NR3C2: variants seen among roughly 807,000 people sequenced by gnomAD.
NR3C2 encodes mineralocorticoid receptor.
A neutral mutation model predicts 86.4 loss-of-function variants in NR3C2; 15 were observed. The ratio of observed to expected loss-of-function variants is 0.17; its 90% CI spans 0.12 to 0.27. The LOEUF (loss-of-function observed/expected upper bound fraction) is 0.27, where lower values mean the gene tolerates loss of function less well. NR3C2 is among the 10% of genes least tolerant of loss of function. The pLI, the probability that NR3C2 is intolerant of heterozygous loss-of-function variation, is 1.00. For synonymous variants in NR3C2, 458 were observed against 450.5 expected (o/e 1.02, Z -0.21); for missense variants, 960 against 1,195.6 (o/e 0.80, Z 2.91).
Position 148,081,347 on chromosome 4 carries a change from C to T in NR3C2, c.2952G>A (p.Lys984=). 6.2e-7 allele frequency: 1 copy of T among 1,614,214 alleles called. No individual in the cohort carries two copies. The highest frequency in any genetic ancestry group is 8.5e-7 in the Non-Finnish European group (1 of 1,180,030). The change falls in exon 9 of 9, where the codon AAG becomes AAA. Residue 984 remains lysine, a synonymous_variant. Coordinates refer to ENST00000358102, the MANE Select transcript of NR3C2 (RefSeq NM_000901.5). ...GNAKPLYFHR[K] is the part of the protein sequence containing the mutation. ...AGTTCTTCTGGGCAGCGGGCAGTCA[C>T]TTCCGGTGGAAGTAGAGCGGCTTGG...
Position 148,098,522 on chromosome 4 carries a change from C to T in NR3C2, c.2799+15582G>A, listed in dbSNP as rs1378256205. ...AGACCTCAAAAAGGATGAGTATTTA[C>T]GGCATTAGAGCTGAAACAAGAGAGC... On this transcript the variant is annotated intron_variant, in intron 8 of 8. Transcript: ENST00000358102. Among the ~76,000 whole-genome samples the T allele has an allele frequency of 5.3e-5, 8 of 152,086 alleles. No homozygotes were observed. The South Asian group carries it at 8.3e-4, about 16-fold the overall frequency.
At position 148,261,438 on chromosome 4, in the gene NR3C2, G is replaced by A. The variant is rs553518453; in HGVS notation, c.1758-1321C>T. On this transcript the variant is annotated intron_variant, in intron 2 of 8. Transcript: ENST00000358102. ...TGCGCTATGGTAAGCGCTATGGTGC[G>A]CTACGGTCAGTGCTATGGTGCACTA... 1.8e-4 allele frequency among the ~76,000 whole-genome samples: 27 copies of A among 151,466 alleles called. 1 individual carries two copies. The highest frequency in any genetic ancestry group is 5.8e-4 in the African/African-American group (24 of 41,244).
intron 3 of NR3C2, among the ~76,000 whole-genome samples, chr4:148,216,175 A>AATGTGTTATTATGGATTTC (rs1737525688): frequency 6.6e-6 from 1 of 152,134 alleles, no homozygotes; most frequent in Non-Finnish European, 1.5e-5. Context: ...TTAACACTGA[A>AATGTGTTATTATGGATTTC]ATGTGGATTT....
At chr4:148,226,843 T>C (rs996089916) in intron 3 of NR3C2, among the ~76,000 whole-genome samples, 3 of 152,192 alleles carry the variant, frequency 2.0e-5, no homozygotes, top group Non-Finnish European at 2.9e-5. Context: ...ACAAATGATG[T>C]TGAGCATTTT....
At chr4:148,375,476 A>C (rs1012989582) in intron 2 of NR3C2, among the ~76,000 whole-genome samples, 3 of 150,374 alleles carry the variant, frequency 2.0e-5, no homozygotes, top group Non-Finnish European at 3.0e-5. Flanking sequence ...AAAAAAAAAA[A>C]CCCTGCAAAA....
chr4:148,240,482 T>C (rs990649214), intron 3 of NR3C2, among the ~76,000 whole-genome samples: 1 of 151,976 alleles, frequency 6.6e-6, no homozygotes. Context: ...ATAGACATTT[T>C]TCTTGTAGCA....
chr4:148,115,236 T>C (rs1265895552), intron 7 of NR3C2, among the ~76,000 whole-genome samples: 9 of 152,234 alleles, frequency 5.9e-5, no homozygotes, highest in Admixed American at 3.9e-4. Context: ...AATTCAGGAC[T>C]TGTAAGCTTA....
chr4:148,143,026 A>G (rs746227532), intron 6 of NR3C2, among the ~76,000 whole-genome samples: 1 of 152,144 alleles, frequency 6.6e-6, no homozygotes, highest in Non-Finnish European at 1.5e-5. Context: ...CCTCCTGTAC[A>G]CTGTAGAACC....
chr4:148,195,595 T>A (rs61757489), intron 3 of NR3C2, among the ~76,000 whole-genome samples: 3 of 152,098 alleles, frequency 2.0e-5, no homozygotes, highest in Non-Finnish European at 2.9e-5. Flanking sequence ...AGATGTCAGA[T>A]AATAATAAGC....
At chr4:148,269,029 G>GT (rs1740535029) in intron 2 of NR3C2, among the ~76,000 whole-genome samples, 1 of 152,134 alleles carries the variant, frequency 6.6e-6, no homozygotes, top group South Asian at 2.1e-4. Flanking sequence ...TAAAAGATAG[G>GT]TTGTCCTCAG....
At chr4:148,111,750 T>C (rs1732054934) in intron 8 of NR3C2, among the ~76,000 whole-genome samples, 1 of 152,228 alleles carries the variant, frequency 6.6e-6, no homozygotes, top group Non-Finnish European at 1.5e-5. Context: ...ACATACTGCA[T>C]TGTTGTATTT....
intron 3 of NR3C2, among the ~76,000 whole-genome samples, chr4:148,209,208 C>T (rs958688632): frequency 3.3e-5 from 5 of 150,516 alleles, no homozygotes; most frequent in South Asian, 2.1e-4. Flanking sequence ...AGTGCGACTG[C>T]ACTCCAGCCT....
chr4:148,322,660 G>T (rs917837628), intron 2 of NR3C2, among the ~76,000 whole-genome samples: 1 of 103,164 alleles, frequency 9.7e-6, no homozygotes, highest in African/African-American at 4.0e-5. Context: ...CTTTCTTCCA[G>T]TTGATCGCAT....
intron 2 of NR3C2, among the ~76,000 whole-genome samples, chr4:148,428,144 C>A (rs1749638703): frequency 6.6e-6 from 1 of 152,146 alleles, no homozygotes; most frequent in Non-Finnish European, 1.5e-5. Context: ...TGCCACCTGA[C>A]AGGATGCAAT....
intron 2 of NR3C2, among the ~76,000 whole-genome samples, chr4:148,377,428 T>C (rs1746735591): frequency 6.6e-6 from 1 of 152,194 alleles, no homozygotes; most frequent in South Asian, 2.1e-4. Context: ...AAAGAGAGTT[T>C]TATTTAAAAA....
At chr4:148,268,116 T>G (rs1282600789) in intron 2 of NR3C2, among the ~76,000 whole-genome samples, 1 of 152,040 alleles carries the variant, frequency 6.6e-6, no homozygotes, top group Non-Finnish European at 1.5e-5. Context: ...TTTCTTCATA[T>G]TTTTAGTAGA....
chr4:148,303,475 A>G (rs1742445609), intron 2 of NR3C2, among the ~76,000 whole-genome samples: 1 of 152,174 alleles, frequency 6.6e-6, no homozygotes, highest in Non-Finnish European at 1.5e-5. Flanking sequence ...CATGCACACA[A>G]ATCTTACCAA....
At chr4:148,385,712 GTCC>G (rs1200250544) in intron 2 of NR3C2, among the ~76,000 whole-genome samples, 1 of 152,050 alleles carries the variant, frequency 6.6e-6, no homozygotes, top group Non-Finnish European at 1.5e-5. Flanking sequence ...CTCCACAGAG[GTCC>G]TCCTCCTGCA....
intron 6 of NR3C2, among the ~76,000 whole-genome samples, chr4:148,122,254 C>A (rs757732595): frequency 2.0e-5 from 3 of 152,064 alleles, no homozygotes; most frequent in Admixed American, 6.5e-5. Context: ...TTTTCCTTCT[C>A]GCACTGAGTA....
Sources: gnomAD v4.1 joint callset for allele counts (sites outside exome capture counted in the v4.1 genomes callset) on GRCh38, gnomAD v4.1.1 for gene constraint, MANE v1.5 for transcripts, NCBI Gene and HGNC (gene_info 2026-07-23, HGNC 2026-07-21) for gene names.